Variants in CFH observed in about 807,000 individuals in gnomAD.
CFH encodes complement factor H, also known as H factor 1 (complement).
A neutral mutation model predicts 147.3 loss-of-function variants in CFH; 53 were observed. The ratio of observed to expected loss-of-function variants is 0.36; its 90% CI spans 0.29 to 0.45. The LOEUF (loss-of-function observed/expected upper bound fraction) is 0.45. CFH is among the 20% of genes least tolerant of loss of function. CFH has a pLI of 1.00. For synonymous variants in CFH, 536 were observed against 489.4 expected (o/e 1.10, Z -1.26); for missense variants, 1,380 against 1,498.0 (o/e 0.92, Z 1.30).
At position 196,747,245 on chromosome 1, in the gene CFH, C is replaced by T. The variant is rs121913059; in HGVS notation, c.3628C>T (p.Arg1210Cys). The T allele has an allele frequency of 1.4e-4, 221 of 1,613,872 alleles. No individual in the cohort carries two copies. Among genetic ancestry groups the T allele is most frequent in the Non-Finnish European group, 1.7e-4 (200 of 1,179,908 alleles). Residue 1210 changes from arginine to cysteine, a missense_variant, in exon 22 of 22, where the codon CGT (arginine) becomes TGT (cysteine). Arg to Cys is a radical substitution (Grantham distance 180). Coordinates refer to ENST00000367429, the MANE Select transcript of CFH (RefSeq NM_000186.4). The part of the protein sequence containing the change: ...VCKRGYRLSS[R>C]SHTLRTTCWD... ...TAAACGGGGATATCGTCTTTCATCA[C>T]GTTCTCACACATTGCGAACAACATG...
At chr1:196,699,970 C>A (rs1668402370) in intron 9 of CFH, among the ~76,000 whole-genome samples, 1 of 152,072 alleles carries the variant, frequency 6.6e-6, no homozygotes, top group African/African-American at 2.4e-5. Context: ...TGTTCTTTTT[C>A]TGTTCTTTAG....
At chr1:196,708,815 C>A (rs203685) in intron 9 of CFH, among the ~76,000 whole-genome samples, 101,452 of 151,924 alleles carry the variant, frequency 0.67, 34,807 homozygotes, top group East Asian at 0.95. Context: ...ATTTTCCCAC[C>A]GACTCCAAAA....
At position 196,711,432 on chromosome 1, in the gene CFH, G is replaced by A. The variant is rs181404068; in HGVS notation, c.1337-2303G>A. Among the ~76,000 whole-genome samples, 400 of 152,090 alleles carry A rather than the reference G, an allele frequency of 2.6e-3. 7 individuals are homozygous for A. Among genetic ancestry groups the A allele is most frequent in the Non-Finnish European group, 1.4e-3 (92 of 67,982 alleles). On this transcript the variant is annotated intron_variant, in intron 9 of 21. Coordinates refer to ENST00000367429, the MANE Select transcript of CFH (RefSeq NM_000186.4). ...TAAAAGATTTACTGTGATTTTTGGA[G>A]GGAGGTGTGAAGAGGGTATTATTAC... is the stretch of plus-strand genomic sequence containing the variant.
chr1:196,689,652 A>G (rs1233904858), intron 8 of CFH, 38 bp downstream of exon 8: 1 of 1,602,558 alleles, frequency 6.2e-7, no homozygotes, highest in Admixed American at 1.7e-5. Flanking sequence ...TATGTATAAA[A>G]CTTTCAAAGA....
intron 7 of CFH, among the ~76,000 whole-genome samples, chr1:196,686,865 G>A (rs1053761666): frequency 8.6e-5 from 13 of 152,028 alleles, no homozygotes; most frequent in African/African-American, 2.9e-4. Flanking sequence ...TGGTTTATCA[G>A]TTTTTAATTT....
chr1:196,747,277 T>C lies in CFH; in HGVS notation c.3660T>C (p.Asp1220=). The stretch of plus-strand genomic sequence containing the variant: ...ACACATTGCGAACAACATGTTGGGA[T>C]GGGAAACTGGAGTATCCAACTTGTG... The part of the protein sequence containing the change: ...RSHTLRTTCW[D]GKLEYPTCAK... Residue 1220 remains aspartate, a synonymous_variant, in exon 22 of 22, where the codon GAT becomes GAC. Coordinates refer to ENST00000367429, the MANE Select transcript of CFH (RefSeq NM_000186.4). 6.2e-7 allele frequency: 1 copy of C among 1,614,070 alleles called. No homozygotes were observed. The highest frequency in any genetic ancestry group is 8.5e-7 in the Non-Finnish European group (1 of 1,179,964).
chr1:196,721,387 G>A (rs1393128745), intron 11 of CFH, among the ~76,000 whole-genome samples: 1 of 151,884 alleles, frequency 6.6e-6, no homozygotes, highest in Non-Finnish European at 1.5e-5. Context: ...TTGATTTATA[G>A]TTATATTTCA....
At chr1:196,708,477 G>A (rs966798973) in intron 9 of CFH, among the ~76,000 whole-genome samples, 1 of 152,094 alleles carries the variant, frequency 6.6e-6, no homozygotes, top group Non-Finnish European at 1.5e-5. Flanking sequence ...GACAAACGCA[G>A]CTAGGAGAAG....
At position 196,726,816 on chromosome 1, in the gene CFH, T is replaced by G. The variant is rs1199232823; in HGVS notation, c.2112T>G (p.Leu704=). The G allele has an allele frequency of 4.3e-6, 7 of 1,613,854 alleles. No individual in the cohort carries two copies. The highest frequency in any genetic ancestry group is 5.9e-6 in the Non-Finnish European group (7 of 1,179,824). The change falls in exon 14 of 22, where the codon CTT becomes CTG. Residue 704 remains leucine, a synonymous_variant. Transcript: ENST00000367429. The stretch of plus-strand genomic sequence containing the variant: ...AACTTGAACATGGCTGGGCCCAGCT[T>G]TCTTCCCCTCCTTATTACTATGGAG... ...IPELEHGWAQ[L]SSPPYYYGDS...
At chr1:196,739,753 G>A (rs970344056) in intron 17 of CFH, among the ~76,000 whole-genome samples, 2 of 152,152 alleles carry the variant, frequency 1.3e-5, no homozygotes, top group Non-Finnish European at 2.9e-5. Context: ...ACCCCTGCCT[G>A]TTATCCAGTT....
intron 15 of CFH, among the ~76,000 whole-genome samples, chr1:196,731,268 G>T (rs1383920106): frequency 6.6e-6 from 1 of 151,784 alleles, no homozygotes; most frequent in Non-Finnish European, 1.5e-5. Context: ...CCTTAGGCTT[G>T]CATAGCATAC....
At chr1:196,731,275 A>G (rs138245068) in intron 15 of CFH, among the ~76,000 whole-genome samples, 8 of 152,012 alleles carry the variant, frequency 5.3e-5, no homozygotes, top group African/African-American at 1.4e-4. Context: ...CTTGCATAGC[A>G]TACCTTATAA....
intron 11 of CFH, among the ~76,000 whole-genome samples, chr1:196,720,442 C>T (rs1668972409): frequency 6.6e-6 from 1 of 151,890 alleles, no homozygotes; most frequent in Non-Finnish European, 1.5e-5. Flanking sequence ...TGCTATCCTG[C>T]CACATTTCTG....
intron 9 of CFH, among the ~76,000 whole-genome samples, chr1:196,696,552 T>C (rs1049651774): frequency 6.6e-6 from 1 of 152,110 alleles, no homozygotes; most frequent in Non-Finnish European, 1.5e-5. Context: ...TTAAAAGAAA[T>C]AGAGCTTGAT....
chr1:196,700,941 T>C (rs867917909), intron 9 of CFH: 14 of 811,080 alleles, frequency 1.7e-5, no homozygotes, highest in Middle Eastern at 1.2e-3. Flanking sequence ...TCCTTCTGTG[T>C]GTGTGTGCCT....
Position 196,652,164 on chromosome 1 carries a change from G to C in CFH, c.47G>C (p.Cys16Ser). 6.2e-7 allele frequency: 1 copy of C among 1,611,074 alleles called. No individual in the cohort carries two copies. The highest frequency in any genetic ancestry group is 8.5e-7 in the Non-Finnish European group (1 of 1,177,358). Residue 16 changes from cysteine to serine, a missense_variant, in exon 1 of 22, where the codon TGT becomes TCT. Around this residue, in one of 4 missense-constraint regions of CFH, gnomAD observed 260 missense variants for 263.3 expected, o/e 0.99. Transcript: ENST00000367429. ...ATTTGCCTTATGTTATGGGCTATTT[G>C]TGTAGCAGAAGGTAAGATTAAAAGA... Reference protein sequence around the residue: ...KIICLMLWAICVAEDCNELPP... With the variant: ...KIICLMLWAISVAEDCNELPP...
chr1:196,685,000 T>C lies in CFH; in HGVS notation c.791-64T>C, dbSNP rs1232899778. 4 of 1,264,280 alleles carry C rather than the reference T, an allele frequency of 3.2e-6. No homozygotes were observed. In the African/African-American group the frequency reaches 6.0e-5, roughly 19 times the overall value. The allele number at this position is 1,264,280 out of a possible 1,614,324, so 78.3% of individuals were successfully genotyped here. ...AATAACACCCACTTTTAAATGTTTA[T>C]ATAAATGATTAATTTTAACGGATAC... On this transcript the variant is annotated intron_variant, in intron 6 of 21. Coordinates refer to ENST00000367429, the MANE Select transcript of CFH (RefSeq NM_000186.4).
In CFH at chr1:196,679,728, A is replaced by T; in HGVS notation, c.725A>T (p.Glu242Val). 6.2e-7 allele frequency: 1 copy of T among 1,611,856 alleles called. No individual in the cohort carries two copies. Among genetic ancestry groups the T allele is most frequent in the Non-Finnish European group, 8.5e-7 (1 of 1,178,530 alleles). ...RFQYKCNMGY[E>V]YSERGDAVCT... ...CAATATAAATGTAACATGGGTTATG[A>T]ATACAGTGAAAGAGGAGATGCTGTA... The change falls in exon 6 of 22, where the codon GAA becomes GTA. Residue 242 changes from glutamate (E) to valine (V), a missense_variant. By Grantham distance (121) the Glu-to-Val change is moderately radical. Transcript: ENST00000367429.
At position 196,740,755 on chromosome 1, in the gene CFH, C is replaced by T; in HGVS notation, c.2919C>T (p.Cys973=). 6.2e-7 allele frequency: 1 copy of T among 1,613,854 alleles called. No homozygotes were observed. The highest frequency in any genetic ancestry group is 8.5e-7 in the Non-Finnish European group (1 of 1,179,934). ...FGIDGPAIAK[C]LGEKWSHPPS... ...TTGATGGGCCTGCAATTGCAAAATGCTTAGGAGAAAAATGGTCTCACCCTC... is the reference window on the plus strand; with the variant it reads ...TTGATGGGCCTGCAATTGCAAAATGTTTAGGAGAAAAATGGTCTCACCCTC... Residue 973 remains cysteine (C), a synonymous_variant, in exon 18 of 22, where the codon TGC becomes TGT. Transcript: ENST00000367429.
Sources: allele counts gnomAD v4.1 joint callset (sites outside exome capture counted in the v4.1 genomes callset), GRCh38; gene constraint gnomAD v4.1.1; regional missense constraint gnomAD v4.1.1; transcripts MANE v1.5; gene names NCBI Gene and HGNC (gene_info 2026-07-23, HGNC 2026-07-21).